The following TM9SF4 variants were observed in gnomAD, a reference collection of about 807,000 sequenced individuals.
TM9SF4 encodes the protein dinucleotide oxidase disulfide thiol exchanger 3 superfamily member 4.
In TM9SF4, 26 loss-of-function variants were observed where a neutral mutation model predicts 90.4. The ratio of observed to expected loss-of-function variants is 0.29; its 90% CI spans 0.21 to 0.40. The LOEUF (loss-of-function observed/expected upper bound fraction) is 0.40, where lower values mean the gene tolerates loss of function less well. TM9SF4 is among the 10% of genes least tolerant of loss of function. The probability of loss-of-function intolerance (pLI) is 1.00; values close to 1 mark genes in which losing one functional copy is unlikely to be tolerated. For synonymous variants in TM9SF4, 293 were observed against 315.4 expected, an observed-to-expected ratio of 0.93 and a Z score of 0.75; for missense variants, 549 against 834.8, an observed-to-expected ratio of 0.66 and a Z score of 4.22.
intron 10 of TM9SF4, 135 bp from the exon 11 acceptor site, chr20:32,150,483 CAAGG>C (rs2046826297): frequency 6.4e-6 from 6 of 932,896 alleles, no homozygotes; most frequent in South Asian, 1.5e-5. Flanking sequence ...GTTGAGAAGA[CAAGG>C]GAGGGGGAGC....
At chr20:32,121,481 T>G (rs2046306049) in intron 1 of TM9SF4, among the ~76,000 whole-genome samples, 1 of 151,836 alleles carries the variant, frequency 6.6e-6, no homozygotes, top group South Asian at 2.1e-4. Context: ...TAACTCTGAG[T>G]GGACACAGCA....
At chr20:32,147,858 G>GGA (rs1569091092) in intron 9 of TM9SF4, among the ~76,000 whole-genome samples, 1 of 124,688 alleles carries the variant, frequency 8.0e-6, no homozygotes. Context: ...GTCTCCAAAG[G>GGA]AAAAAAAAAA....
intron 10 of TM9SF4, among the ~76,000 whole-genome samples, chr20:32,150,346 A>G (rs563342255): frequency 6.6e-6 from 1 of 152,220 alleles, no homozygotes; most frequent in Non-Finnish European, 1.5e-5. Flanking sequence ...CACCTGACTC[A>G]CTGCAAGTGC....
chr20:32,149,929 ACAGCCC>A (rs1218874971), intron 10 of TM9SF4, among the ~76,000 whole-genome samples, 163 bp downstream of exon 10: 1 of 152,148 alleles, frequency 6.6e-6, no homozygotes, highest in Non-Finnish European at 1.5e-5. Flanking sequence ...TATCTCAGCA[ACAGCCC>A]CAGCCCCAGC....
At chr20:32,128,704 CA>C (rs1291657172) in intron 1 of TM9SF4, among the ~76,000 whole-genome samples, 1 of 152,044 alleles carries the variant, frequency 6.6e-6, no homozygotes, top group Non-Finnish European at 1.5e-5. Flanking sequence ...TGAGTTGTTT[CA>C]CGTAAGATAA....
intron 17 of TM9SF4, among the ~76,000 whole-genome samples, chr20:32,162,543 C>T (rs6061197): frequency 0.42 from 64,367 of 152,068 alleles, 13,993 homozygotes; most frequent in East Asian, 0.74. Flanking sequence ...TGAGTAGTTG[C>T]GACAGGGACC....
At chr20:32,111,353 G>A (rs1308873774) in intron 1 of TM9SF4, among the ~76,000 whole-genome samples, 2 of 152,212 alleles carry the variant, frequency 1.3e-5, no homozygotes, top group Admixed American at 1.3e-4. Context: ...ATTGAGTAAA[G>A]TGGTATTTAC....
intron 9 of TM9SF4, among the ~76,000 whole-genome samples, chr20:32,148,815 C>T (rs1018147270): frequency 5.3e-5 from 8 of 151,922 alleles, no homozygotes; most frequent in South Asian, 2.1e-4. Flanking sequence ...GGACTACAGG[C>T]GCCTACCACC....
chr20:32,163,755 G>A (rs1165730307), intron 17 of TM9SF4, among the ~76,000 whole-genome samples: 1 of 151,780 alleles, frequency 6.6e-6, no homozygotes, highest in East Asian at 1.9e-4. Context: ...GGGGTTACAG[G>A]TGCACACCAC....
At chr20:32,132,642 A>G (rs902963495) in intron 1 of TM9SF4, among the ~76,000 whole-genome samples, 6 of 152,214 alleles carry the variant, frequency 3.9e-5, no homozygotes, top group African/African-American at 9.6e-5. Flanking sequence ...ACTAGTTGCT[A>G]TACAGAGAAA....
intron 1 of TM9SF4, among the ~76,000 whole-genome samples, chr20:32,123,015 G>A (rs78742774): frequency 2.0e-5 from 3 of 151,282 alleles, no homozygotes; most frequent in South Asian, 4.2e-4. Context: ...AAAAAAATAC[G>A]AAAACCAGTC....
chr20:32,110,150 C>T (rs758654738), intron 1 of TM9SF4: 2 of 839,060 alleles, frequency 2.4e-6, no homozygotes, highest in Non-Finnish European at 3.0e-6. Flanking sequence ...GCTCTCCCCG[C>T]CTCCCCACCA....
chr20:32,164,685 G>A (rs2047074854), intron 17 of TM9SF4, among the ~76,000 whole-genome samples: 1 of 152,164 alleles, frequency 6.6e-6, no homozygotes, highest in Non-Finnish European at 1.5e-5. Context: ...TGTGAGTCCT[G>A]GGACAGGCCC....
Position 32,123,866 on chromosome 20 carries a change from A to ATATATATATATATAT in TM9SF4, c.16-9146_16-9145insATATATATATATATT. Among the ~76,000 whole-genome samples, 50 of 93,958 alleles carry ATATATATATATATAT rather than the reference A, an allele frequency of 5.3e-4. 1 individual carries two copies. In the East Asian group the frequency reaches 0.01, roughly 19 times the overall value. The allele number at this position is 93,958 out of a possible 152,430, so 61.6% of individuals were successfully genotyped here. A position where few individuals can be genotyped will look rare whatever the true frequency, so the allele number is the denominator to read the frequency against. On this transcript the variant is annotated intron_variant, in intron 1 of 17. Transcript: ENST00000398022. ...CTCTCATATATATATATATATATAT[A>ATATATATATATATAT]TTTTTTTTTTTAAAGAGATAGGGTC...
chr20:32,166,081 A>G lies in TM9SF4; in HGVS notation c.*637A>G, dbSNP rs1476786439. 3 of 152,998 alleles carry G rather than the reference A, an allele frequency of 2.0e-5. No homozygotes were observed. Among genetic ancestry groups the G allele is most frequent in the East Asian group, 3.9e-4 (2 of 5,180 alleles). The allele number at this position is 152,998 out of a possible 1,614,324, so 9.5% of individuals were successfully genotyped here. On this transcript the variant is annotated 3_prime_UTR_variant, in exon 18 of 18. Transcript: ENST00000398022. ...AGCCAGGCCTCGGGGTCATCTTTTC[A>G]CCAGGAGCAAACCCAAGTCTTAGTT...
At chr20:32,145,000 C>T (rs904902799) in intron 6 of TM9SF4, 91 bp from the exon 7 acceptor site, 47 of 1,232,370 alleles carry the variant, frequency 3.8e-5, no homozygotes, top group African/African-American at 2.2e-4. Flanking sequence ...TGGGTCTCCG[C>T]GACAGGCAGC....
chr20:32,158,458 A>G lies in TM9SF4; in HGVS notation c.1513A>G (p.Met505Val). ...CCTCTCGTTCTGTGGCAGCATCCTC[A>G]TGGCTGGGATCTTGCCCTTCGGCGC... Reference protein sequence around the residue: ...WYMNRFVGILMAGILPFGAMF... With the variant: ...WYMNRFVGILVAGILPFGAMF... The change falls in exon 15 of 18, where the codon ATG becomes GTG. Residue 505 changes from methionine (M) to valine (V), a missense_variant. Transcript: ENST00000398022. 1 of 1,614,144 alleles carries G rather than the reference A, an allele frequency of 6.2e-7. No homozygotes were observed. The highest frequency in any genetic ancestry group is 8.5e-7 in the Non-Finnish European group (1 of 1,180,008).
chr20:32,142,753 T>TGTATCAGGGTC (rs2046699436), intron 5 of TM9SF4, among the ~76,000 whole-genome samples: 1 of 152,160 alleles, frequency 6.6e-6, no homozygotes, highest in Admixed American at 6.5e-5. Flanking sequence ...TACACCCAGT[T>TGTATCAGGGTC]GTATCAGGGT....
chr20:32,163,268 A>AATATATATATATATATATATAT (rs1186662308), intron 17 of TM9SF4, among the ~76,000 whole-genome samples: 4 of 74,456 alleles, frequency 5.4e-5, no homozygotes, highest in Non-Finnish European at 7.4e-5. Context: ...AAAAAAAAAA[A>AATATATATATATATATATATAT]ATATATATAT....
Sources: gnomAD v4.1 joint callset for allele counts (sites outside exome capture counted in the v4.1 genomes callset) on GRCh38, gnomAD v4.1.1 for gene constraint, MANE v1.5 for transcripts, NCBI Gene and HGNC (gene_info 2026-07-23, HGNC 2026-07-21) for gene names.